The following STK35 variants were observed in gnomAD, a reference collection of about 807,000 sequenced individuals.
The protein encoded by STK35 is serine/threonine-protein kinase 35.
A neutral mutation model predicts 37.3 loss-of-function variants in STK35; 17 were observed. That is an observed-to-expected ratio of 0.46 (90% confidence interval 0.31 to 0.68). The LOEUF is 0.68. Among genes scored for constraint, STK35 ranks in the 30% least tolerant of loss-of-function variants. STK35 has a pLI of 0.05. For synonymous variants in STK35, 385 were observed against 319.1 expected, an observed-to-expected ratio of 1.21 and a Z score of -2.20; for missense variants, 595 against 746.7, an observed-to-expected ratio of 0.80 and a Z score of 2.37.
chr20:2,147,711 C>A lies in STK35; in HGVS notation c.*3965C>A, dbSNP rs1468688805. On this transcript the variant is annotated 3_prime_UTR_variant, in exon 4 of 4. Transcript: ENST00000381482. The stretch of plus-strand genomic sequence containing the variant: ...TTACTCTAGGTTGGTCTCAGACTAT[C>A]CCTCCCCTTGGCTGGTTTTCCCTCC... 1 of 152,258 alleles carries A rather than the reference C, an allele frequency of 6.6e-6. No homozygotes were observed. The highest frequency in any genetic ancestry group is 2.4e-5 in the African/African-American group (1 of 41,442). 9.4% of individuals were successfully genotyped at this position (152,258 alleles called of 1,614,324 possible).
intron 2 of STK35, among the ~76,000 whole-genome samples, chr20:2,108,131 G>A (rs1230492581): frequency 6.6e-6 from 1 of 152,222 alleles, no homozygotes; most frequent in Non-Finnish European, 1.5e-5. Flanking sequence ...CTGCTGTGGG[G>A]TACTGCTGGG....
At position 2,123,627 on chromosome 20, in the gene STK35, T is replaced by C. The variant is rs1266267328; in HGVS notation, c.*37+6212T>C. On this transcript the variant is annotated intron_variant, in intron 3 of 3. Transcript: ENST00000381482. ...TGTTACGCACGCTATAGCTACCAAG[T>C]TAATCAGCAGTGATACTAAAAAATG... Among the ~76,000 whole-genome samples, 4 of 152,200 alleles carry C rather than the reference T, an allele frequency of 2.6e-5. No homozygotes were observed. The East Asian group carries it at 7.7e-4, about 29-fold the overall frequency.
At chr20:2,141,982 A>G (rs66579192) in intron 3 of STK35, among the ~76,000 whole-genome samples, 8,262 of 152,224 alleles carry the variant, frequency 0.054, 357 homozygotes, top group African/African-American at 0.11. Flanking sequence ...TTTCAGGAGT[A>G]GAATTTCAGG....
At chr20:2,119,681 C>T (rs954551338) in intron 3 of STK35, among the ~76,000 whole-genome samples, 1 of 152,200 alleles carries the variant, frequency 6.6e-6, no homozygotes, top group African/African-American at 2.4e-5. Flanking sequence ...ATATGGTGAG[C>T]TAGAAGTAAG....
intron 1 of STK35, 51 bp downstream of exon 1, chr20:2,102,226 G>A: frequency 2.9e-6 from 4 of 1,368,632 alleles, no homozygotes; most frequent in Non-Finnish European, 3.8e-6. Flanking sequence ...TGGAGTTACT[G>A]CCACTGCCTC....
At chr20:2,123,132 T>C (rs1485454935) in intron 3 of STK35, among the ~76,000 whole-genome samples, 2 of 152,134 alleles carry the variant, frequency 1.3e-5, no homozygotes, top group Non-Finnish European at 2.9e-5. Flanking sequence ...TGCTGTCTGA[T>C]ATACAAACCT....
rs1986279327 is a variant in STK35, at chr20:2,146,886, G to A, written c.*3140G>A. 1 of 152,374 alleles carries A rather than the reference G, an allele frequency of 6.6e-6. No homozygotes were observed. The highest frequency in any genetic ancestry group is 2.4e-5 in the African/African-American group (1 of 41,442). 9.4% of individuals were successfully genotyped at this position (152,374 alleles called of 1,614,324 possible). On this transcript the variant is annotated 3_prime_UTR_variant, in exon 4 of 4. Transcript: ENST00000381482. ...TGCCTCAGTCTGTTCATTCGAGACT[G>A]GCCCCGTCTGAACCTTCTCTGGGCA...
chr20:2,137,236 A>C (rs1986102333), intron 3 of STK35, among the ~76,000 whole-genome samples: 1 of 152,198 alleles, frequency 6.6e-6, no homozygotes, highest in Non-Finnish European at 1.5e-5. Flanking sequence ...TACCCGGCAA[A>C]GTAGACATTT....
At chr20:2,118,222 T>C (rs1402568409) in intron 3 of STK35, among the ~76,000 whole-genome samples, 3 of 152,224 alleles carry the variant, frequency 2.0e-5, no homozygotes, top group Non-Finnish European at 1.5e-5. Context: ...ACATTCCCAT[T>C]ATATGTACCA....
chr20:2,126,461 G>T (rs1985908813), intron 3 of STK35, among the ~76,000 whole-genome samples: 1 of 152,114 alleles, frequency 6.6e-6, no homozygotes, highest in Admixed American at 6.6e-5. Context: ...ACATCTCAGG[G>T]TACATACTCA....
At chr20:2,136,039 A>G (rs1001179310) in intron 3 of STK35, among the ~76,000 whole-genome samples, 6 of 152,312 alleles carry the variant, frequency 3.9e-5, no homozygotes, top group Admixed American at 3.3e-4. Flanking sequence ...AGACTAAACC[A>G]TAGTGCTCCA....
chr20:2,130,378 C>CATT (rs2122573682), intron 3 of STK35, among the ~76,000 whole-genome samples: 1 of 152,286 alleles, frequency 6.6e-6, no homozygotes, highest in East Asian at 1.9e-4. Flanking sequence ...TCTTGGTAAT[C>CATT]AGCTTCTCAT....
intron 2 of STK35, among the ~76,000 whole-genome samples, chr20:2,105,096 A>T (rs745598855): frequency 1.3e-5 from 2 of 151,774 alleles, no homozygotes; most frequent in Non-Finnish European, 2.9e-5. Context: ...GGTTGAGGCT[A>T]CAGTGAGCCA....
In STK35 at chr20:2,144,575, G is replaced by A. The variant is rs1986227592; in HGVS notation, c.*829G>A. 6.5e-6 allele frequency: 1 copy of A among 152,852 alleles called. No homozygotes were observed. The highest frequency in any genetic ancestry group is 1.5e-5 in the Non-Finnish European group (1 of 68,162). 9.5% of individuals were successfully genotyped at this position (152,852 alleles called of 1,614,324 possible). A position where few individuals can be genotyped will look rare whatever the true frequency, so the allele number is the denominator to read the frequency against. On this transcript the variant is annotated 3_prime_UTR_variant, in exon 4 of 4. Coordinates refer to ENST00000381482, the MANE Select transcript of STK35 (RefSeq NM_080836.4). ...GACCATCTCGCTCTTGCTGGCGGTG[G>A]AGCAGCCATCCCTGCCTTTCTGTTG... is the stretch of plus-strand genomic sequence containing the variant.
At position 2,117,152 on chromosome 20, in the gene STK35, A is replaced by G. The variant is rs1171521586; in HGVS notation, c.1379A>G (p.Lys460Arg). The change falls in exon 3 of 4, where the codon AAG becomes AGG. Residue 460 changes from lysine (K) to arginine (R), a missense_variant. By Grantham distance (26) the Lys-to-Arg change is conservative. Coordinates refer to ENST00000381482, the MANE Select transcript of STK35 (RefSeq NM_080836.4). This position sits in a 1 kb window ranked among gnomAD's most constrained non-coding sequence, Gnocchi z 4.4. ...RITFIDSETK[K>R]ELLGTYIKQG... ...ACTTTTATTGACTCTGAGACCAAGAAGGAGCTCCTGGGGACCTACATTAAA... is the reference window on the plus strand; with the variant it reads ...ACTTTTATTGACTCTGAGACCAAGAGGGAGCTCCTGGGGACCTACATTAAA... 2 of 1,613,988 alleles carry G rather than the reference A, an allele frequency of 1.2e-6. No individual in the cohort carries two copies. The highest frequency in any genetic ancestry group is 2.2e-5 in the East Asian group (1 of 44,870).
chr20:2,143,319 G>C (rs1986201206), intron 3 of STK35, among the ~76,000 whole-genome samples: 1 of 152,176 alleles, frequency 6.6e-6, no homozygotes, highest in Admixed American at 6.5e-5. Flanking sequence ...CTGTAAAACA[G>C]GATTACTGAA....
intron 3 of STK35, among the ~76,000 whole-genome samples, chr20:2,123,277 A>G (rs960246823): frequency 3.3e-5 from 5 of 152,182 alleles, no homozygotes; most frequent in African/African-American, 1.2e-4. Context: ...TCTATATGAG[A>G]TCTTGGTAGC....
chr20:2,128,476 G>A (rs374763772), intron 3 of STK35, among the ~76,000 whole-genome samples: 39 of 152,108 alleles, frequency 2.6e-4, no homozygotes, highest in African/African-American at 8.9e-4. Flanking sequence ...CTGTCCTGGC[G>A]TGTTCCTAGT....
chr20:2,112,427 A>G (rs1985636775), intron 2 of STK35, among the ~76,000 whole-genome samples: 1 of 152,164 alleles, frequency 6.6e-6, no homozygotes, highest in Admixed American at 6.5e-5. Context: ...CATAATTTAT[A>G]TTATGGTCAC....
Sources: allele counts gnomAD v4.1 joint callset (sites outside exome capture counted in the v4.1 genomes callset), GRCh38; gene constraint gnomAD v4.1.1; non-coding constraint Gnocchi (gnomAD v3.1); transcripts MANE v1.5; gene names NCBI Gene and HGNC (gene_info 2026-07-23, HGNC 2026-07-21).